The following DNAH6 variants were observed in gnomAD, a reference collection of about 807,000 sequenced individuals.
DNAH6 encodes axonemal beta dynein heavy chain 6.
A neutral mutation model predicts 491.4 loss-of-function variants in DNAH6; 340 were observed. That is an observed-to-expected ratio of 0.69 (90% CI 0.63 to 0.76). DNAH6 has a LOEUF of 0.76. Ranked by LOEUF, DNAH6 falls within the 30% of genes least tolerant of loss-of-function variation. The pLI is 0.00. For missense variants in DNAH6, 4,443 were observed against 4,972.2 expected (o/e 0.89, Z 3.20); for synonymous variants, 1,603 against 1,686.1 (o/e 0.95, Z 1.21).
rs1042552263 is a variant in DNAH6, at chr2:84,621,519, G to A, written c.4039G>A (p.Ala1347Thr). Residue 1347 changes from alanine to threonine, a missense_variant, in exon 26 of 77, where the codon GCC becomes ACC. By Grantham distance (58) the Ala-to-Thr change is moderately conservative (BLOSUM62 0). This residue lies in a region of DNAH6 where 2,977 missense variants were observed against 3,296.6 expected (regional missense o/e 0.90). Transcript: ENST00000389394. The stretch of plus-strand genomic sequence containing the variant: ...AACAGAACACAGTAATCATATACAG[G>A]CCCTGAAGAATTTTGAAAAAGTAAA... ...LETEHSNHIQALKNFEKVNFE... is the reference protein window; with the variant it reads ...LETEHSNHIQTLKNFEKVNFE... 1.3e-6 allele frequency: 2 copies of A among 1,523,516 alleles called. No homozygotes were observed. Among genetic ancestry groups the A allele is most frequent in the African/African-American group, 1.4e-5 (1 of 72,638 alleles). The allele number at this position is 1,523,516 out of a possible 1,614,324, so 94.4% of individuals were successfully genotyped here.
At chr2:84,735,762 C>G (rs1699490350) in intron 62 of DNAH6, among the ~76,000 whole-genome samples, 1 of 151,990 alleles carries the variant, frequency 6.6e-6, no homozygotes, top group Non-Finnish European at 1.5e-5. Context: ...TTTATAGATT[C>G]TGAATATTAG....
At chr2:84,522,116 T>C (rs1676205486) in intron 2 of DNAH6, among the ~76,000 whole-genome samples, 1 of 152,184 alleles carries the variant, frequency 6.6e-6, no homozygotes, top group Non-Finnish European at 1.5e-5. Context: ...GCATGGAATG[T>C]TTTTTCATTT....
intron 9 of DNAH6, among the ~76,000 whole-genome samples, chr2:84,550,383 A>C (rs375965512): frequency 1.0e-3 from 154 of 152,220 alleles, no homozygotes; most frequent in African/African-American, 3.6e-3. Flanking sequence ...TAATGACGCC[A>C]CTGTTCTGAG....
intron 4 of DNAH6, among the ~76,000 whole-genome samples, chr2:84,531,207 T>G (rs1677137224): frequency 6.6e-6 from 1 of 152,152 alleles, no homozygotes; most frequent in Non-Finnish European, 1.5e-5. Flanking sequence ...GATATGCATT[T>G]ATCCCAGTGA....
intron 37 of DNAH6, among the ~76,000 whole-genome samples, chr2:84,660,885 C>G (rs1691437439): frequency 6.6e-6 from 1 of 151,976 alleles, no homozygotes; most frequent in Non-Finnish European, 1.5e-5. Context: ...AGAGACTTCT[C>G]TGAATAAAAC....
rs567372912 is a variant in DNAH6 at position 84,528,068 on chromosome 2, G to A, written c.400-836G>A. ...CTCCTCCATGGGAGGAACAGATATG[G>A]GTGATGCCACCCAAGTTTTTTGGGG... On this transcript the variant is annotated intron_variant, in intron 3 of 76. Transcript: ENST00000389394. 2.0e-5 allele frequency among the ~76,000 whole-genome samples: 3 copies of A among 152,222 alleles called. No homozygotes were observed. The South Asian group carries it at 6.2e-4, about 32-fold the overall frequency.
chr2:84,706,929 G>C lies in DNAH6; in HGVS notation c.8761G>C (p.Glu2921Gln), dbSNP rs779336864. The C allele has an allele frequency of 6.5e-7, 1 of 1,545,060 alleles. No homozygotes were observed. Among genetic ancestry groups the C allele is most frequent in the Non-Finnish European group, 8.7e-7 (1 of 1,145,794 alleles). The change falls in exon 53 of 77, where the codon GAA (glutamate) becomes CAA (glutamine). Residue 2921 changes from glutamate (E) to glutamine (Q), a missense_variant. Glu to Gln is a conservative substitution (Grantham distance 29). Coordinates refer to ENST00000389394, the MANE Select transcript of DNAH6 (RefSeq NM_001370.2). ...ELDITMATLREKQALLRQVED... is the reference protein window; with the variant it reads ...ELDITMATLRQKQALLRQVED... ...TGACATTACCATGGCTACCCTGAGA[G>C]AAAAGCAAGCATTACTAAGACAAGT...
At chr2:84,599,558 G>A (rs1373645239) in intron 18 of DNAH6, among the ~76,000 whole-genome samples, 1 of 152,038 alleles carries the variant, frequency 6.6e-6, no homozygotes, top group Admixed American at 6.6e-5. Context: ...CCAATTAAAG[G>A]AACAGCATTA....
chr2:84,727,430 CA>C (rs1051772405), intron 60 of DNAH6, among the ~76,000 whole-genome samples: 14 of 152,018 alleles, frequency 9.2e-5, no homozygotes, highest in Admixed American at 5.9e-4. Context: ...TTTTTGGTCT[CA>C]TCAATGTAAT....
the DNAH6 span, among the ~76,000 whole-genome samples, chr2:84,465,352 G>A: frequency 5.3e-5 from 8 of 151,996 alleles, no homozygotes; most frequent in East Asian, 1.9e-4. Context: ...AAAATTAGCC[G>A]GGTGTGGTGG....
At chr2:84,590,980 A>G (rs906050716) in intron 16 of DNAH6, among the ~76,000 whole-genome samples, 5 of 152,192 alleles carry the variant, frequency 3.3e-5, no homozygotes, top group Admixed American at 3.3e-4. Context: ...ACCAGTTTGC[A>G]CTCACTAGCC....
At chr2:84,590,404 A>G (rs922710759) in intron 16 of DNAH6, among the ~76,000 whole-genome samples, 1 of 150,438 alleles carries the variant, frequency 6.6e-6, no homozygotes, top group Non-Finnish European at 1.5e-5. Context: ...CTGAGGCAGG[A>G]GAATCACTTG....
chr2:84,598,107 C>T (rs2104210613), intron 18 of DNAH6, among the ~76,000 whole-genome samples: 1 of 140,820 alleles, frequency 7.1e-6, no homozygotes, highest in East Asian at 2.1e-4. Context: ...TCGTGGAACT[C>T]GTGGTTCTTT....
At position 84,718,272 on chromosome 2, in the gene DNAH6, C is replaced by T. The variant is rs762068675; in HGVS notation, c.9680C>T (p.Thr3227Ile). The change falls in exon 59 of 77, where the codon ACT (threonine) becomes ATT (isoleucine). Residue 3227 changes from threonine (T) to isoleucine (I), a missense_variant. By Grantham distance (89) the Thr-to-Ile change is moderately conservative. Coordinates refer to ENST00000389394, the MANE Select transcript of DNAH6 (RefSeq NM_001370.2). The stretch of plus-strand genomic sequence containing the variant: ...ATTAAGCTCATCGTGAGGATCAACA[C>T]TGATAAAAACCAGTTGAAAACTATC... The part of the protein sequence containing the change: ...QRIKLIVRIN[T>I]DKNQLKTIEE... The T allele has an allele frequency of 1.0e-5, 16 of 1,551,026 alleles. No individual in the cohort carries two copies. The South Asian group carries it at 1.9e-4, about 19-fold the overall frequency.
In DNAH6 at chr2:84,813,982, A is replaced by T. The variant is rs1216713700; in HGVS notation, c.12010A>T (p.Asn4004Tyr). The T allele has an allele frequency of 6.4e-7, 1 of 1,551,598 alleles. No individual in the cohort carries two copies. The highest frequency in any genetic ancestry group is 8.7e-7 in the Non-Finnish European group (1 of 1,146,990). ...PQGFLTGTLQ[N>Y]HARKYNLPID... ...TTTCACAATTACAGGAACTCTTCAA[A>T]ATCATGCTCGAAAATACAATTTGCC... The change falls in exon 75 of 77, where the codon AAT becomes TAT. Residue 4004 changes from asparagine to tyrosine, a missense_variant. By Grantham distance (143) the Asn-to-Tyr change is moderately radical (BLOSUM62 -2). Transcript: ENST00000389394.
At chr2:84,733,220 C>T (rs755654944) in intron 61 of DNAH6, among the ~76,000 whole-genome samples, 7 of 152,190 alleles carry the variant, frequency 4.6e-5, no homozygotes, top group Non-Finnish European at 8.8e-5. Context: ...ACTTTGTTTT[C>T]TGTAAATGTC....
At position 84,705,499 on chromosome 2, in the gene DNAH6, T is replaced by C; in HGVS notation, c.8479T>C (p.Ser2827Pro). ...TCTGTCTTTCAGGCCTGATTGGCCA[T>C]CAGCAAAGCAACTTCTTGGTGACTC... ...ILLNAKPDWP[S>P]AKQLLGDSNF... Residue 2827 changes from serine to proline, a missense_variant, in exon 52 of 77, where the codon TCA (serine) becomes CCA (proline). Physicochemically the swap from Ser to Pro is moderately conservative, Grantham distance 74. Around this residue, in one of 3 missense-constraint regions of DNAH6, gnomAD observed 1,463 missense variants for 1,656.6 expected, o/e 0.88. Coordinates refer to ENST00000389394, the MANE Select transcript of DNAH6 (RefSeq NM_001370.2). 6.5e-7 allele frequency: 1 copy of C among 1,547,798 alleles called. No individual in the cohort carries two copies. Among genetic ancestry groups the C allele is most frequent in the South Asian group, 1.2e-5 (1 of 83,658 alleles).
chr2:84,501,267 C>A, the DNAH6 span, among the ~76,000 whole-genome samples: 5 of 152,268 alleles, frequency 3.3e-5, no homozygotes, highest in Middle Eastern at 6.8e-3. Flanking sequence ...GCTTTTTCAG[C>A]ATCAATTGAA....
the DNAH6 span, among the ~76,000 whole-genome samples, chr2:84,462,694 G>A: frequency 1.3e-5 from 2 of 152,188 alleles, no homozygotes; most frequent in African/African-American, 4.8e-5. Flanking sequence ...AGAAATTCAT[G>A]AGTCCACCTT....
Sources: gnomAD v4.1 joint callset for allele counts (sites outside exome capture counted in the v4.1 genomes callset) on GRCh38, gnomAD v4.1.1 for gene constraint, gnomAD v4.1.1 regional missense constraint, MANE v1.5 for transcripts, NCBI Gene and HGNC (gene_info 2026-07-23, HGNC 2026-07-21) for gene names.